The following SCD5 variants were observed in gnomAD, a reference collection of about 807,000 sequenced individuals.
SCD5 encodes acyl-CoA-desaturase 4.
A neutral mutation model predicts 30.4 loss-of-function variants in SCD5; 20 were observed. The observed-to-expected ratio is 0.66, with a 90% CI of 0.46 to 0.96. The LOEUF (loss-of-function observed/expected upper bound fraction) is 0.96, where lower values mean the gene tolerates loss of function less well. SCD5 is among the 40% of genes least tolerant of loss of function. The pLI is 0.00. For synonymous variants in SCD5, 173 were observed against 176.4 expected, an observed-to-expected ratio of 0.98 and a Z score of 0.16; for missense variants, 381 against 443.3, an observed-to-expected ratio of 0.86 and a Z score of 1.26.
chr4:82,736,460 T>C (rs1163980364), intron 1 of SCD5, among the ~76,000 whole-genome samples: 3 of 151,286 alleles, frequency 2.0e-5, no homozygotes, highest in African/African-American at 7.3e-5. Context: ...ATACAAAAAT[T>C]AGCCAGGCGT....
At chr4:82,700,458 T>C (rs1719805010) in intron 2 of SCD5, among the ~76,000 whole-genome samples, 1 of 151,414 alleles carries the variant, frequency 6.6e-6, no homozygotes, top group African/African-American at 2.4e-5. Flanking sequence ...GTGGAAAAAA[T>C]CCCTCCTTAC....
At chr4:82,678,802 T>C (rs1728489700) in intron 3 of SCD5, among the ~76,000 whole-genome samples, 1 of 152,224 alleles carries the variant, frequency 6.6e-6, no homozygotes, top group African/African-American at 2.4e-5. Flanking sequence ...CTGTGAATGA[T>C]TTTCTTTCTA....
At chr4:82,768,196 C>A (rs1721534915) in intron 1 of SCD5, among the ~76,000 whole-genome samples, 1 of 152,178 alleles carries the variant, frequency 6.6e-6, no homozygotes, top group African/African-American at 2.4e-5. Context: ...CCACAATTAT[C>A]ATTCCCACTT....
intron 3 of SCD5, among the ~76,000 whole-genome samples, chr4:82,652,914 C>T (rs1438715212): frequency 7.9e-5 from 12 of 152,060 alleles, no homozygotes; most frequent in Admixed American, 7.2e-4. Context: ...ACACTTTGGG[C>T]GGCTGAGGTG....
intron 3 of SCD5, among the ~76,000 whole-genome samples, chr4:82,653,863 A>T (rs564706951): frequency 1.8e-4 from 27 of 152,188 alleles, no homozygotes; most frequent in African/African-American, 6.5e-4. Flanking sequence ...GAGTAGGTTT[A>T]TAAAAGAAAG....
chr4:82,660,877 C>T, intron 3 of SCD5: 1 of 1,614,036 alleles, frequency 6.2e-7, no homozygotes, highest in Non-Finnish European at 8.5e-7. Flanking sequence ...TTCTGACCTT[C>T]AGAATACCTC....
At chr4:82,731,127 A>G (rs557997303) in intron 1 of SCD5, among the ~76,000 whole-genome samples, 1 of 152,276 alleles carries the variant, frequency 6.6e-6, no homozygotes, top group South Asian at 2.1e-4. Context: ...AGGAACAACA[A>G]AGTGTCATTC....
chr4:82,649,230 C>T (rs955611567), intron 3 of SCD5, among the ~76,000 whole-genome samples: 1 of 149,684 alleles, frequency 6.7e-6, no homozygotes, highest in African/African-American at 2.5e-5. Flanking sequence ...TGAGATTCTT[C>T]ACCTTAGAGG....
intron 1 of SCD5, among the ~76,000 whole-genome samples, chr4:82,738,967 T>C (rs867357798): frequency 2.0e-5 from 3 of 152,184 alleles, no homozygotes; most frequent in African/African-American, 7.2e-5. Context: ...CACTACAACA[T>C]ATGGCCTCTC....
rs368955705 is a variant in SCD5 at position 82,733,776 on chromosome 4, C to T, written c.233-28363G>A. On this transcript the variant is annotated intron_variant, in intron 1 of 4. Transcript: ENST00000319540. ...CCTGAATGGGGCCATGGGAATCTCC[C>T]CACTCTGGGTCTCGGGAACATGGTT... 1.6e-4 allele frequency among the ~76,000 whole-genome samples: 24 copies of T among 152,214 alleles called. 2 individuals are homozygous for T. Among genetic ancestry groups the T allele is most frequent in the African/African-American group, 5.8e-4 (24 of 41,532 alleles).
At chr4:82,796,658 T>G (rs902771739) in intron 1 of SCD5, among the ~76,000 whole-genome samples, 1 of 152,140 alleles carries the variant, frequency 6.6e-6, no homozygotes, top group Non-Finnish European at 1.5e-5. Context: ...GAGCACTCTC[T>G]GAACACCACA....
intron 3 of SCD5, among the ~76,000 whole-genome samples, chr4:82,673,872 T>G (rs1728381515): frequency 6.6e-6 from 1 of 152,142 alleles, no homozygotes; most frequent in African/African-American, 2.4e-5. Flanking sequence ...CAACTGATCT[T>G]TGACAAAGGA....
intron 1 of SCD5, among the ~76,000 whole-genome samples, chr4:82,794,556 T>C (rs570109606): frequency 1.3e-5 from 2 of 152,254 alleles, no homozygotes; most frequent in East Asian, 1.9e-4. Context: ...ATTGACTAAC[T>C]GTCCCTTTGG....
In SCD5 at chr4:82,792,902, T is replaced by A. The variant is rs1276764873; in HGVS notation, c.232+5404A>T. 2.6e-5 allele frequency among the ~76,000 whole-genome samples: 4 copies of A among 152,224 alleles called. No individual in the cohort carries two copies. The East Asian group carries it at 7.7e-4, about 29-fold the overall frequency. On this transcript the variant is annotated intron_variant, in intron 1 of 4. Coordinates refer to ENST00000319540, the MANE Select transcript of SCD5 (RefSeq NM_001037582.3). ...TGCAGCTCTCTTTCTCATTTCATGG[T>A]CACAGTGCCGTCTGCAGTGACCTTG...
intron 3 of SCD5, among the ~76,000 whole-genome samples, chr4:82,680,179 G>A (rs1018219958): frequency 3.9e-5 from 6 of 152,208 alleles, no homozygotes; most frequent in African/African-American, 1.4e-4. Context: ...GCATATGAGT[G>A]CTTTGAGGCC....
intron 3 of SCD5, chr4:82,660,812 G>T (rs915596187): frequency 1.4e-5 from 22 of 1,609,620 alleles, no homozygotes; most frequent in Non-Finnish European, 1.8e-5. Flanking sequence ...TGGGTGTGGA[G>T]TCCCCGTCTG....
chr4:82,660,880 A>G, intron 3 of SCD5: 1 of 1,614,054 alleles, frequency 6.2e-7, no homozygotes, highest in Non-Finnish European at 8.5e-7. Flanking sequence ...TGACCTTCAG[A>G]ATACCTCCAG....
rs3749559 is a variant in SCD5 at position 82,789,769 on chromosome 4, T to A, written c.232+8537A>T. Among the ~76,000 whole-genome samples, 77 of 152,144 alleles carry A rather than the reference T, an allele frequency of 5.1e-4. No individual in the cohort carries two copies. The East Asian group carries it at 9.5e-3, about 19-fold the overall frequency. On this transcript the variant is annotated intron_variant, in intron 1 of 4. Coordinates refer to ENST00000319540, the MANE Select transcript of SCD5 (RefSeq NM_001037582.3). Reference sequence around the variant, plus strand: ...GAGGGCAGATCCATCTTCCCTGGAATGTGGGCTCGTGGGAATCAGCTGCTA... The same window carrying A: ...GAGGGCAGATCCATCTTCCCTGGAAAGTGGGCTCGTGGGAATCAGCTGCTA...
intron 1 of SCD5, among the ~76,000 whole-genome samples, chr4:82,794,167 C>T (rs747689085): frequency 2.6e-5 from 4 of 152,184 alleles, no homozygotes; most frequent in Admixed American, 2.0e-4. Flanking sequence ...CAGGATGGTA[C>T]AGATGCTCCA....
Sources: allele counts gnomAD v4.1 joint callset (sites outside exome capture counted in the v4.1 genomes callset), GRCh38; gene constraint gnomAD v4.1.1; transcripts MANE v1.5; gene names NCBI Gene and HGNC (gene_info 2026-07-23, HGNC 2026-07-21).